NOX5: variants seen among roughly 807,000 people sequenced by gnomAD.
NOX5 encodes the protein NADPH oxidase 5.
In NOX5, 76 loss-of-function variants were observed where a neutral mutation model predicts 85.7. The observed-to-expected ratio is 0.89, with a 90% confidence interval of 0.74 to 1.07. The LOEUF (loss-of-function observed/expected upper bound fraction) is 1.07. Ranked by LOEUF, NOX5 falls within the 50% of genes least tolerant of loss-of-function variation. The pLI is 0.00. For synonymous variants in NOX5, 405 were observed against 401.4 expected (o/e 1.01, Z -0.11); for missense variants, 973 against 999.5 (o/e 0.97, Z 0.36).
At position 69,056,602 on chromosome 15, in the gene NOX5, T is replaced by C. The variant is rs113164499; in HGVS notation, c.2204T>C (p.Val735Ala). 194 of 1,613,660 alleles carry C rather than the reference T, an allele frequency of 1.2e-4. No individual in the cohort carries two copies. The African/African-American group carries it at 2.2e-3, about 19-fold the overall frequency. Residue 735 changes from valine to alanine, a missense_variant, in exon 16 of 16, where the codon GTG becomes GCG. Transcript: ENST00000388866. ...GTGGCTGCTGAGAAGAAGGGCAAGG[T>C]GCAGGTCTTCTTCTGTGGCTCCCCA... ...QKVAAEKKGKVQVFFCGSPAL... is the reference protein window; with the variant it reads ...QKVAAEKKGKAQVFFCGSPAL...
rs763692409 is a variant in NOX5, at chr15:69,037,042, T to C, written c.1203T>C (p.Thr401=). 6.2e-7 allele frequency: 1 copy of C among 1,613,554 alleles called. No homozygotes were observed. Among genetic ancestry groups the C allele is most frequent in the Non-Finnish European group, 8.5e-7 (1 of 1,179,872 alleles). Residue 401 remains threonine, a synonymous_variant, in exon 8 of 16, where the codon ACT becomes ACC. Coordinates refer to ENST00000388866, the MANE Select transcript of NOX5 (RefSeq NM_024505.4). ...TACCCCCATAGGTGTTCTATTGGAC[T>C]CACCTGTCCTACCTCCTCGTGTGGC... is the stretch of plus-strand genomic sequence containing the variant. The part of the protein sequence containing the change: ...RSGHFEVFYW[T]HLSYLLVWLL...
At chr15:69,019,681 A>G (rs1400047624) in intron 1 of NOX5, among the ~76,000 whole-genome samples, 1 of 152,200 alleles carries the variant, frequency 6.6e-6, no homozygotes, top group African/African-American at 2.4e-5. Flanking sequence ...TATTTATTCA[A>G]ATCAATTCAC....
intron 14 of NOX5, among the ~76,000 whole-genome samples, chr15:69,050,085 G>A (rs751020843): frequency 2.0e-5 from 3 of 152,088 alleles, no homozygotes; most frequent in East Asian, 1.9e-4. Context: ...CATATAATAC[G>A]TAGTCTGTTC....
chr15:69,031,958 G>T (rs928950428), intron 4 of NOX5, 146 bp downstream of exon 4: 34 of 797,922 alleles, frequency 4.3e-5, no homozygotes, highest in South Asian at 1.9e-5. Context: ...TGAGTGTACT[G>T]CAGGGCAGCT....
rs954176030 is a variant in NOX5, at chr15:69,060,392, A to G, written c.*3696A>G. ...TCTGGGAGGCAGGGCACTGAGTCCT[A>G]CACTTGCCTCTGCCACAGTCTGCTG... On this transcript the variant is annotated 3_prime_UTR_variant, in exon 16 of 16. Coordinates refer to ENST00000388866, the MANE Select transcript of NOX5 (RefSeq NM_024505.4). 7 of 152,226 alleles carry G rather than the reference A, an allele frequency of 4.6e-5. No homozygotes were observed. The highest frequency in any genetic ancestry group is 9.6e-5 in the African/African-American group (4 of 41,452). 9.4% of individuals were successfully genotyped at this position (152,226 alleles called of 1,614,324 possible).
At chr15:69,033,324 C>G (rs1251196821) in intron 5 of NOX5, 47 bp downstream of exon 5, 3 of 1,565,194 alleles carry the variant, frequency 1.9e-6, no homozygotes, top group Middle Eastern at 1.7e-4. Flanking sequence ...AATTAGGAGC[C>G]GAGGTGGGCT....
rs66926671 is a variant in NOX5, at chr15:69,059,864, C to CA, written c.*3170dup. On this transcript the variant is annotated 3_prime_UTR_variant, in exon 16 of 16. Transcript: ENST00000388866. Reference sequence around the variant, plus strand: ...ACATGCAAAGAGAAGAGAGAAGGAGCAAGGCCAGTTATCGGCACGTGTGCC... The same window carrying CA: ...ACATGCAAAGAGAAGAGAGAAGGAGCAAAGGCCAGTTATCGGCACGTGTGCC... 0.97 allele frequency: 148,448 copies of CA among 152,280 alleles called. 72,481 individuals carry two copies. The highest frequency in any genetic ancestry group is 1 in the East Asian group (5,164 of 5,164). The allele number at this position is 152,280 out of a possible 1,614,324, so 9.4% of individuals were successfully genotyped here.
At chr15:69,049,610 T>G (rs2140278887) in intron 14 of NOX5, among the ~76,000 whole-genome samples, 1 of 152,310 alleles carries the variant, frequency 6.6e-6, no homozygotes, top group African/African-American at 2.4e-5. Flanking sequence ...CTTATTCATA[T>G]TTTATAAAAA....
chr15:69,035,531 G>T, intron 6 of NOX5, 24 bp downstream of exon 6: 1 of 1,612,816 alleles, frequency 6.2e-7, no homozygotes, highest in Non-Finnish European at 8.5e-7. Context: ...GGCAGGGTTG[G>T]GTCGGGGAGA....
intron 2 of NOX5, among the ~76,000 whole-genome samples, chr15:69,027,541 C>G (rs1246002209): frequency 6.6e-6 from 1 of 152,100 alleles, no homozygotes. Context: ...GGGTCCTCCC[C>G]CTGCCTTGAG....
intron 10 of NOX5, chr15:69,043,629 A>G (rs1262923898): frequency 6.6e-6 from 1 of 152,300 alleles, no homozygotes; most frequent in East Asian, 1.9e-4. Flanking sequence ...ATATGCAGGG[A>G]TAGGTAGGAG....
intron 3 of NOX5, chr15:69,029,081 AC>A (rs1347536453): frequency 6.6e-6 from 1 of 152,038 alleles, no homozygotes. Flanking sequence ...CACCATCACC[AC>A]CCTCCATCTC....
chr15:69,059,364 G>T lies in NOX5; in HGVS notation c.*2668G>T, dbSNP rs955702678. 2.0e-5 allele frequency: 3 copies of T among 152,144 alleles called. No individual in the cohort carries two copies. Among genetic ancestry groups the T allele is most frequent in the African/African-American group, 7.2e-5 (3 of 41,424 alleles). The allele number at this position is 152,144 out of a possible 1,614,324, so 9.4% of individuals were successfully genotyped here. ...AAGGGAAAGGGGCTGGGAAGACAAC[G>T]CCCTGTTCCAAAGCTCCCCACTAGA... is the stretch of plus-strand genomic sequence containing the variant. On this transcript the variant is annotated 3_prime_UTR_variant, in exon 16 of 16. Coordinates refer to ENST00000388866, the MANE Select transcript of NOX5 (RefSeq NM_024505.4).
At chr15:69,023,015 GT>G in intron 1 of NOX5, 2 of 495,996 alleles carry the variant, frequency 4.0e-6, no homozygotes, top group South Asian at 3.1e-5. Flanking sequence ...AAAGAGGAAT[GT>G]TCCATGGGCC....
At chr15:69,044,816 G>A (rs1354544714) in intron 10 of NOX5, among the ~76,000 whole-genome samples, 2 of 152,140 alleles carry the variant, frequency 1.3e-5, no homozygotes, top group African/African-American at 2.4e-5. Context: ...TAACATTATC[G>A]ATTTGTGATT....
rs35783689 is a variant in NOX5, at chr15:69,031,861, C to T, written c.620+49C>T. 1,801 of 1,535,088 alleles carry T rather than the reference C, an allele frequency of 1.2e-3. 26 individuals are homozygous for T. The African/African-American group carries it at 0.022, about 18-fold the overall frequency. On this transcript the variant is annotated intron_variant, in intron 4 of 15. Transcript: ENST00000388866. ...GCACTGTCCACGGCGGCGTTAGACT[C>T]CTGGTCGGAAGTGTGGCAGGAACTC...
In NOX5 at chr15:69,035,494, C is replaced by T; in HGVS notation, c.996C>T (p.His332=). 1 of 1,614,106 alleles carries T rather than the reference C, an allele frequency of 6.2e-7. No individual in the cohort carries two copies. Among genetic ancestry groups the T allele is most frequent in the South Asian group, 1.1e-5 (1 of 91,070 alleles). Residue 332 remains histidine, a synonymous_variant, in exon 6 of 16, where the codon CAC becomes CAT. Transcript: ENST00000388866. ...VGLSLVHTVA[H]TVNFVLQAQA... ...TGTCCCTCGTGCACACCGTGGCTCACACTGTGAACTTTGGTGAGTGATCTG... is the reference window on the plus strand; with the variant it reads ...TGTCCCTCGTGCACACCGTGGCTCATACTGTGAACTTTGGTGAGTGATCTG...
chr15:69,035,226 A>C lies in NOX5; in HGVS notation c.856-128A>C. On this transcript the variant is annotated intron_variant, in intron 5 of 15. Coordinates refer to ENST00000388866, the MANE Select transcript of NOX5 (RefSeq NM_024505.4). ...CAGGGAAGCAACAAGGCATGGGGGC[A>C]GGGGACTTTGGTGAGTGTCCTGTTC... 6.2e-6 allele frequency: 6 copies of C among 961,626 alleles called. No homozygotes were observed. In the South Asian group the frequency reaches 1.0e-4, roughly 16 times the overall value. 59.6% of individuals were successfully genotyped at this position (961,626 alleles called of 1,614,324 possible).
chr15:69,042,342 GT>G (rs1237473083), intron 9 of NOX5, among the ~76,000 whole-genome samples: 1 of 152,244 alleles, frequency 6.6e-6, no homozygotes, highest in Non-Finnish European at 1.5e-5. Context: ...GTTTTGGTGA[GT>G]CCTTGGCCTG....
Sources: gnomAD v4.1 joint callset for allele counts (sites outside exome capture counted in the v4.1 genomes callset) on GRCh38, gnomAD v4.1.1 for gene constraint, MANE v1.5 for transcripts, NCBI Gene and HGNC (gene_info 2026-07-23, HGNC 2026-07-21) for gene names.